Variants in LRRTM4 observed in about 807,000 individuals in gnomAD.
The protein encoded by LRRTM4 is leucine-rich repeat transmembrane neuronal protein 4.
A neutral mutation model predicts 47.6 loss-of-function variants in LRRTM4; 25 were observed. The ratio of observed to expected loss-of-function variants is 0.53; its 90% CI spans 0.38 to 0.73. LRRTM4 has a LOEUF of 0.73. Among genes scored for constraint, LRRTM4 ranks in the 30% least tolerant of loss-of-function variants. The probability of loss-of-function intolerance (pLI) is 0.00; values close to 1 mark genes in which losing one functional copy is unlikely to be tolerated. For synonymous variants in LRRTM4, 311 were observed against 269.5 expected, an observed-to-expected ratio of 1.15 and a Z score of -1.51; for missense variants, 638 against 713.4, an observed-to-expected ratio of 0.89 and a Z score of 1.20.
intron 2 of LRRTM4, 127 bp downstream of exon 2, chr2:77,521,541 A>G: frequency 1.9e-6 from 2 of 1,039,680 alleles, no homozygotes; most frequent in Non-Finnish European, 2.9e-6. Flanking sequence ...TAGTGAATCA[A>G]CTGGCAAACT....
At chr2:77,115,931 G>T (rs1396966325) in intron 3 of LRRTM4, among the ~76,000 whole-genome samples, 2 of 152,010 alleles carry the variant, frequency 1.3e-5, no homozygotes, top group Non-Finnish European at 2.9e-5. Context: ...CTTCAGTCTA[G>T]CTTTCCAACC....
chr2:77,215,085 T>G (rs1187545927), intron 3 of LRRTM4, among the ~76,000 whole-genome samples: 1 of 152,200 alleles, frequency 6.6e-6, no homozygotes, highest in Admixed American at 6.5e-5. Context: ...CAATTTTTGA[T>G]GGCTGTTACT....
chr2:77,113,893 A>G (rs986703078), intron 3 of LRRTM4, among the ~76,000 whole-genome samples: 6 of 152,108 alleles, frequency 3.9e-5, no homozygotes, highest in African/African-American at 1.2e-4. Context: ...GAATTAGCAT[A>G]TATATGGCCC....
At chr2:77,299,759 T>G (rs965340071) in intron 3 of LRRTM4, among the ~76,000 whole-genome samples, 1 of 152,060 alleles carries the variant, frequency 6.6e-6, no homozygotes, top group Non-Finnish European at 1.5e-5. Flanking sequence ...AGAAACACTT[T>G]CAGCCTTTCA....
chr2:77,298,257 G>A (rs1366884369), intron 3 of LRRTM4, among the ~76,000 whole-genome samples: 1 of 152,206 alleles, frequency 6.6e-6, no homozygotes, highest in Non-Finnish European at 1.5e-5. Context: ...TTGTTTTTGA[G>A]ATGAAGTCTC....
intron 3 of LRRTM4, among the ~76,000 whole-genome samples, chr2:76,923,963 A>G (rs1456852300): frequency 6.6e-6 from 1 of 152,100 alleles, no homozygotes; most frequent in East Asian, 1.9e-4. Flanking sequence ...ACTGTGGCAT[A>G]GGTGTGGAGT....
chr2:76,769,630 C>T (rs549072142), intron 3 of LRRTM4, among the ~76,000 whole-genome samples: 1 of 152,164 alleles, frequency 6.6e-6, no homozygotes, highest in African/African-American at 2.4e-5. Context: ...CTGTAATTCA[C>T]CTGACTTAGG....
rs1672719202 is a variant in LRRTM4 at position 77,373,274 on chromosome 2, T to A, written c.1551+145044A>T. On this transcript the variant is annotated intron_variant, in intron 3 of 3. Transcript: ENST00000409884. ...ATAAACTAAATGGGTAATAAACAGATTGTGAAAGAAGTAAATAATATATTT... is the reference window on the plus strand; with the variant it reads ...ATAAACTAAATGGGTAATAAACAGAATGTGAAAGAAGTAAATAATATATTT... Among the ~76,000 whole-genome samples, 2 of 151,236 alleles carry A rather than the reference T, an allele frequency of 1.3e-5. 1 individual carries two copies. The highest frequency in any genetic ancestry group is 4.1e-4 in the South Asian group (2 of 4,828).
At chr2:76,886,728 A>T (rs572709697) in intron 3 of LRRTM4, among the ~76,000 whole-genome samples, 2 of 152,174 alleles carry the variant, frequency 1.3e-5, no homozygotes, top group East Asian at 3.9e-4. Context: ...GCTGAAAAAA[A>T]TTAATGAAGA....
chr2:77,310,035 T>C (rs1466713559), intron 3 of LRRTM4, among the ~76,000 whole-genome samples: 1 of 152,188 alleles, frequency 6.6e-6, no homozygotes, highest in African/African-American at 2.4e-5. Flanking sequence ...ATTTGCTATC[T>C]TGCTCTTTAC....
intron 3 of LRRTM4, among the ~76,000 whole-genome samples, chr2:76,824,403 C>T (rs772313024): frequency 6.6e-6 from 1 of 151,494 alleles, no homozygotes; most frequent in Admixed American, 6.6e-5. Flanking sequence ...ATATGTTCTC[C>T]TTCAGGTGTT....
intron 3 of LRRTM4, among the ~76,000 whole-genome samples, chr2:77,206,525 C>T (rs1408649658): frequency 6.6e-6 from 1 of 151,914 alleles, no homozygotes; most frequent in Admixed American, 6.6e-5. Flanking sequence ...CGCACAGTCA[C>T]CCAGGCTGGA....
chr2:76,784,376 A>G (rs762582714), intron 3 of LRRTM4, among the ~76,000 whole-genome samples: 6 of 152,086 alleles, frequency 3.9e-5, no homozygotes, highest in Non-Finnish European at 5.9e-5. Context: ...AGATTGCTAT[A>G]AGAAAGGCAT....
intron 3 of LRRTM4, among the ~76,000 whole-genome samples, chr2:77,148,706 T>A (rs1163380726): frequency 6.6e-6 from 1 of 152,194 alleles, no homozygotes; most frequent in Admixed American, 6.5e-5. Context: ...AAAGCAGTTT[T>A]CAGATGGCTC....
At chr2:77,320,031 T>A (rs1052241059) in intron 3 of LRRTM4, among the ~76,000 whole-genome samples, 6 of 152,192 alleles carry the variant, frequency 3.9e-5, no homozygotes, top group South Asian at 2.1e-4. Context: ...TTGTTTTTTT[T>A]AGGGGAAACC....
intron 3 of LRRTM4, among the ~76,000 whole-genome samples, chr2:77,163,896 A>G (rs1248335115): frequency 2.6e-5 from 4 of 152,236 alleles, no homozygotes; most frequent in Non-Finnish European, 5.9e-5. Context: ...AAGAAACTGC[A>G]TCAATTAATG....
intron 1 of LRRTM4, 54 bp from the exon 2 acceptor site, chr2:77,521,872 C>CAT (rs144600007): frequency 0.013 from 2,677 of 203,108 alleles, 27 homozygotes; most frequent in African/African-American, 0.03. Flanking sequence ...TATATATATA[C>CAT]ATATATATAT....
intron 3 of LRRTM4, among the ~76,000 whole-genome samples, chr2:76,903,856 T>G (rs1673728528): frequency 6.6e-6 from 1 of 152,064 alleles, no homozygotes; most frequent in African/African-American, 2.4e-5. Context: ...CTTTTCTCAA[T>G]TATGTATATT....
chr2:77,409,879 C>G (rs1343990236), intron 3 of LRRTM4, among the ~76,000 whole-genome samples: 1 of 152,122 alleles, frequency 6.6e-6, no homozygotes, highest in East Asian at 1.9e-4. Context: ...AGTTCTGCCC[C>G]CTTCTTGCCC....
Sources: gnomAD v4.1 joint callset for allele counts (sites outside exome capture counted in the v4.1 genomes callset) on GRCh38, gnomAD v4.1.1 for gene constraint, MANE v1.5 for transcripts, NCBI Gene and HGNC (gene_info 2026-07-23, HGNC 2026-07-21) for gene names.